NCEH1: variants seen among roughly 807,000 people sequenced by gnomAD.
NCEH1 encodes the protein neutral cholesterol ester hydrolase 1.
A neutral mutation model predicts 25.4 loss-of-function variants in NCEH1; 9 were observed. The ratio of observed to expected loss-of-function variants is 0.35; its 90% CI spans 0.21 to 0.62. NCEH1 has a LOEUF of 0.62. Ranked by LOEUF, NCEH1 falls within the 20% of genes least tolerant of loss-of-function variation. The pLI is 0.72. For missense variants in NCEH1, 412 were observed against 501.1 expected (o/e 0.82, Z 1.70); for synonymous variants, 200 against 199.8 (o/e 1.00, Z -0.01).
At chr3:172,695,443 G>A (rs377346672) in intron 1 of NCEH1, among the ~76,000 whole-genome samples, 26 of 152,144 alleles carry the variant, frequency 1.7e-4, no homozygotes, top group African/African-American at 5.1e-4. Context: ...ACTAAGAGAC[G>A]ATTTCTCTAG....
At chr3:172,671,646 TAC>T in intron 1 of NCEH1, among the ~76,000 whole-genome samples, 1 of 147,530 alleles carries the variant, frequency 6.8e-6, no homozygotes, top group Non-Finnish European at 1.5e-5. Flanking sequence ...CATGTATATA[TAC>T]ATACACACAT....
rs185218814 is a variant in NCEH1 at position 172,703,970 on chromosome 3, T to C, written c.138+6877A>G. 4.6e-5 allele frequency among the ~76,000 whole-genome samples: 7 copies of C among 152,362 alleles called. No individual in the cohort carries two copies. In the East Asian group the frequency reaches 1.2e-3, roughly 25 times the overall value. On this transcript the variant is annotated intron_variant, in intron 1 of 4. Transcript: ENST00000475381. Reference sequence around the variant, plus strand: ...CAAATCAGCTAAAAATTGTGGTTAGTGAAGTTACTAATGTGCATGAAGAAA... The same window carrying C: ...CAAATCAGCTAAAAATTGTGGTTAGCGAAGTTACTAATGTGCATGAAGAAA...
intron 1 of NCEH1, among the ~76,000 whole-genome samples, chr3:172,670,015 T>C (rs1202478057): frequency 6.6e-6 from 1 of 152,236 alleles, no homozygotes; most frequent in Non-Finnish European, 1.5e-5. Context: ...TACTATAAAT[T>C]ACTATTCATA....
At chr3:172,645,744 C>A in intron 2 of NCEH1, 52 bp from the exon 3 acceptor site, 1 of 1,101,102 alleles carries the variant, frequency 9.1e-7, no homozygotes, top group South Asian at 1.7e-5. Context: ...TTAATACTGT[C>A]CACTCATAAA....
chr3:172,670,281 C>T (rs151095721), intron 1 of NCEH1, among the ~76,000 whole-genome samples: 9 of 152,322 alleles, frequency 5.9e-5, no homozygotes, highest in African/African-American at 2.2e-4. Flanking sequence ...AGCCTTTCTC[C>T]TTTATGTTCT....
chr3:172,685,399 A>G (rs1712641271), intron 1 of NCEH1, among the ~76,000 whole-genome samples: 1 of 152,178 alleles, frequency 6.6e-6, no homozygotes, highest in South Asian at 2.1e-4. Flanking sequence ...TCTTTCTTCA[A>G]TAAATCCCTT....
intron 1 of NCEH1, among the ~76,000 whole-genome samples, chr3:172,673,160 ACT>A (rs1378465422): frequency 4.6e-5 from 7 of 151,780 alleles, no homozygotes; most frequent in African/African-American, 1.5e-4. Context: ...TTCAAGAAAA[ACT>A]CTAATCCAAT....
At chr3:172,658,949 A>C (rs1717837893) in intron 1 of NCEH1, among the ~76,000 whole-genome samples, 1 of 145,754 alleles carries the variant, frequency 6.9e-6, no homozygotes, top group Non-Finnish European at 1.5e-5. Flanking sequence ...AGTCTACAGG[A>C]TATGTCAAGG....
chr3:172,689,092 G>C (rs2108526791), intron 1 of NCEH1, among the ~76,000 whole-genome samples: 1 of 152,204 alleles, frequency 6.6e-6, no homozygotes, highest in East Asian at 1.9e-4. Flanking sequence ...GGGGACAAAT[G>C]CTCCTTGCCT....
chr3:172,633,164 G>A lies in NCEH1; in HGVS notation c.*311C>T, dbSNP rs1247240932. 2.7e-5 allele frequency: 8 copies of A among 295,282 alleles called. No individual in the cohort carries two copies. Among genetic ancestry groups the A allele is most frequent in the African/African-American group, 4.4e-5 (2 of 45,588 alleles). 18.3% of individuals were successfully genotyped at this position (295,282 alleles called of 1,614,324 possible). A position where few individuals can be genotyped will look rare whatever the true frequency, so the allele number is the denominator to read the frequency against. On this transcript the variant is annotated 3_prime_UTR_variant, in exon 5 of 5. Coordinates refer to ENST00000475381, the MANE Select transcript of NCEH1 (RefSeq NM_020792.6). The stretch of plus-strand genomic sequence containing the variant: ...TAAAAAGAACGTCCTAATGAAGGCA[G>A]GACCCAAAGTTATTTCCAGTTCCTA...
intron 1 of NCEH1, among the ~76,000 whole-genome samples, chr3:172,671,292 T>C (rs1358736527): frequency 1.3e-5 from 2 of 152,182 alleles, no homozygotes; most frequent in Non-Finnish European, 2.9e-5. Context: ...GATCAGTTGG[T>C]ATTTATTAAA....
At chr3:172,663,353 C>T (rs112919556) in intron 1 of NCEH1, among the ~76,000 whole-genome samples, 1,868 of 152,260 alleles carry the variant, frequency 0.012, 42 homozygotes, top group East Asian at 0.092. Context: ...TGTTCTTTTA[C>T]ATTTGCTGAG....
chr3:172,681,568 C>T (rs1712376795), intron 1 of NCEH1, among the ~76,000 whole-genome samples: 1 of 151,876 alleles, frequency 6.6e-6, no homozygotes, highest in African/African-American at 2.4e-5. Context: ...CACACCATTA[C>T]ACTACACATG....
At chr3:172,699,964 A>T (rs1713591744) in intron 1 of NCEH1, among the ~76,000 whole-genome samples, 1 of 152,230 alleles carries the variant, frequency 6.6e-6, no homozygotes, top group Non-Finnish European at 1.5e-5. Flanking sequence ...ACGGCTACCT[A>T]AATACATGTA....
At chr3:172,682,237 T>C (rs959153563) in intron 1 of NCEH1, among the ~76,000 whole-genome samples, 2 of 152,200 alleles carry the variant, frequency 1.3e-5, no homozygotes, top group Non-Finnish European at 2.9e-5. Context: ...CAACTCCATC[T>C]TGGATGCTCA....
chr3:172,662,762 C>T (rs1400544679), intron 1 of NCEH1, among the ~76,000 whole-genome samples: 2 of 152,132 alleles, frequency 1.3e-5, no homozygotes, highest in Admixed American at 1.3e-4. Flanking sequence ...TAGAGGTGTT[C>T]ATAATATTCT....
chr3:172,664,949 G>A (rs1436404116), intron 1 of NCEH1, among the ~76,000 whole-genome samples: 1 of 152,144 alleles, frequency 6.6e-6, no homozygotes, highest in African/African-American at 2.4e-5. Flanking sequence ...ATTTTCTGAA[G>A]CCTAATTCTG....
intron 1 of NCEH1, among the ~76,000 whole-genome samples, chr3:172,665,343 C>A (rs1172731783): frequency 6.6e-6 from 1 of 152,162 alleles, no homozygotes; most frequent in African/African-American, 2.4e-5. Flanking sequence ...CCTGATCCTT[C>A]CTCTGGAAGC....
intron 1 of NCEH1, among the ~76,000 whole-genome samples, chr3:172,650,851 A>C (rs1717369684): frequency 1.4e-5 from 2 of 146,058 alleles, no homozygotes; most frequent in Admixed American, 6.8e-5. Flanking sequence ...CAATTTGTTT[A>C]TGCAGGGTAA....
Sources: allele counts gnomAD v4.1 joint callset (sites outside exome capture counted in the v4.1 genomes callset), GRCh38; gene constraint gnomAD v4.1.1; transcripts MANE v1.5; gene names NCBI Gene and HGNC (gene_info 2026-07-23, HGNC 2026-07-21).